SLC4A10: variants seen among roughly 807,000 people sequenced by gnomAD.
The protein encoded by SLC4A10 is solute carrier family 4 member 10.
Under a neutral mutation model 137.7 loss-of-function variants are expected in SLC4A10, and 42 were observed. That is an observed-to-expected ratio of 0.30 (90% CI 0.24 to 0.39). SLC4A10 has a LOEUF of 0.39. SLC4A10 is among the 10% of genes least tolerant of loss of function. The pLI, the probability that SLC4A10 is intolerant of heterozygous loss-of-function variation, is 1.00. For missense variants in SLC4A10, 925 were observed against 1,355.0 expected (o/e 0.68, Z 4.98); for synonymous variants, 474 against 464.1 (o/e 1.02, Z -0.27).
At position 161,950,651 on chromosome 2, in the gene SLC4A10, C is replaced by T. The variant is rs983262951; in HGVS notation, c.2380-36C>T. 1.9e-6 allele frequency: 3 copies of T among 1,552,290 alleles called. No individual in the cohort carries two copies. In the African/African-American group the frequency reaches 4.1e-5, roughly 21 times the overall value. ...TAATTTGATCAAGTATTCATTAATC[C>T]AGTTCATAACTATGCACATTCTTTA... On this transcript the variant is annotated intron_variant, in intron 18 of 26. Coordinates refer to ENST00000446997, the MANE Select transcript of SLC4A10 (RefSeq NM_001178015.2).
At chr2:161,781,167 G>A (rs1481909996) in intron 2 of SLC4A10, among the ~76,000 whole-genome samples, 2 of 152,010 alleles carry the variant, frequency 1.3e-5, no homozygotes, top group Non-Finnish European at 2.9e-5. Context: ...AGAGGACAGA[G>A]CAGCAGCTGC....
intron 1 of SLC4A10, among the ~76,000 whole-genome samples, chr2:161,737,420 T>TA (rs2047455481): frequency 6.6e-6 from 1 of 150,926 alleles, no homozygotes; most frequent in Non-Finnish European, 1.5e-5. Context: ...TTATACAGAA[T>TA]AGCTTTTTTT....
chr2:161,796,373 C>T (rs980478238), intron 2 of SLC4A10, among the ~76,000 whole-genome samples: 36 of 152,126 alleles, frequency 2.4e-4, no homozygotes, highest in Admixed American at 1.2e-3. Flanking sequence ...CAACTGAGGC[C>T]GGCTGGTTTG....
At chr2:161,749,520 T>A (rs1359119679) in intron 1 of SLC4A10, among the ~76,000 whole-genome samples, 1 of 151,984 alleles carries the variant, frequency 6.6e-6, no homozygotes, top group Non-Finnish European at 1.5e-5. Context: ...GATCATGTGT[T>A]TTTTTATTTT....
At chr2:161,751,645 C>G (rs913857181) in intron 1 of SLC4A10, among the ~76,000 whole-genome samples, 2 of 151,650 alleles carry the variant, frequency 1.3e-5, no homozygotes, top group Non-Finnish European at 3.0e-5. Flanking sequence ...CCTCCTATTC[C>G]GCCATCTTGC....
At chr2:161,672,495 C>A (rs1196247517) in intron 1 of SLC4A10, among the ~76,000 whole-genome samples, 2 of 150,860 alleles carry the variant, frequency 1.3e-5, no homozygotes, top group Admixed American at 6.6e-5. Context: ...TGTAACAAGA[C>A]CCTGTCTAAA....
At chr2:161,854,770 T>G (rs2125855068) in intron 4 of SLC4A10, among the ~76,000 whole-genome samples, 200 bp from the exon 5 acceptor site, 1 of 152,282 alleles carries the variant, frequency 6.6e-6, no homozygotes, top group East Asian at 1.9e-4. Flanking sequence ...CAATTATTTT[T>G]TAATTGCAAA....
chr2:161,742,104 T>C (rs180924629), intron 1 of SLC4A10, among the ~76,000 whole-genome samples: 5 of 152,318 alleles, frequency 3.3e-5, no homozygotes, highest in African/African-American at 1.2e-4. Flanking sequence ...TTGGCTTATT[T>C]CACTTAACAA....
intron 18 of SLC4A10, among the ~76,000 whole-genome samples, chr2:161,949,970 G>C (rs1191194900): frequency 6.6e-6 from 1 of 151,548 alleles, no homozygotes; most frequent in Non-Finnish European, 1.5e-5. Context: ...TTCAAATTAG[G>C]GGCACCCCTT....
intron 1 of SLC4A10, among the ~76,000 whole-genome samples, chr2:161,715,805 C>T (rs1474244443): frequency 6.6e-6 from 1 of 152,004 alleles, no homozygotes; most frequent in African/African-American, 2.4e-5. Flanking sequence ...TGAATATACG[C>T]ACGCATGTAT....
intron 1 of SLC4A10, among the ~76,000 whole-genome samples, chr2:161,636,147 G>T (rs914233595): frequency 6.6e-6 from 1 of 151,950 alleles, no homozygotes; most frequent in Non-Finnish European, 1.5e-5. Flanking sequence ...GTTTATTTTG[G>T]TGCAAATTTT....
At chr2:161,709,294 A>G (rs565690428) in intron 1 of SLC4A10, among the ~76,000 whole-genome samples, 1 of 151,750 alleles carries the variant, frequency 6.6e-6, no homozygotes, top group East Asian at 1.9e-4. Context: ...AACCATAGAA[A>G]CTGATGCTGC....
At chr2:161,810,341 T>C (rs1189847079) in intron 3 of SLC4A10, among the ~76,000 whole-genome samples, 5 of 152,082 alleles carry the variant, frequency 3.3e-5, no homozygotes, top group Admixed American at 6.6e-5. Context: ...TCTCTTCCTA[T>C]TTGAATGCCT....
chr2:161,624,931 C>G (rs1245752799), intron 1 of SLC4A10, among the ~76,000 whole-genome samples: 1 of 151,944 alleles, frequency 6.6e-6, no homozygotes, highest in African/African-American at 2.4e-5. Context: ...CAGAGAAGCC[C>G]CCTTTTATCA....
At position 161,766,664 on chromosome 2, in the gene SLC4A10, A is replaced by G. The variant is rs185922643; in HGVS notation, c.49-4309A>G. On this transcript the variant is annotated intron_variant, in intron 1 of 26. Coordinates refer to ENST00000446997, the MANE Select transcript of SLC4A10 (RefSeq NM_001178015.2). The stretch of plus-strand genomic sequence containing the variant: ...ATAAATTTGCTTTGTAAATATATCA[A>G]TAACAGAGTCTTAATAGGCTTCAAC... Among the ~76,000 whole-genome samples, 14 of 152,192 alleles carry G rather than the reference A, an allele frequency of 9.2e-5. No individual in the cohort carries two copies. The East Asian group carries it at 2.7e-3, about 29-fold the overall frequency.
chr2:161,763,704 C>T (rs984620278), intron 1 of SLC4A10, among the ~76,000 whole-genome samples: 1 of 152,128 alleles, frequency 6.6e-6, no homozygotes, highest in Non-Finnish European at 1.5e-5. Context: ...GGGTCCAACC[C>T]TCTGGCATGG....
intron 25 of SLC4A10, chr2:161,977,241 A>G (rs1232939221): frequency 2.9e-6 from 1 of 345,580 alleles, no homozygotes; most frequent in African/African-American, 2.1e-5. Flanking sequence ...ACTGATATGC[A>G]CTGTGTGTAT....
chr2:161,897,677 G>T (rs1314602304), intron 11 of SLC4A10, among the ~76,000 whole-genome samples: 1 of 151,940 alleles, frequency 6.6e-6, no homozygotes, highest in African/African-American at 2.4e-5. Flanking sequence ...TATTTCAGTT[G>T]ATCTACTATT....
At chr2:161,700,289 C>A (rs2042987527) in intron 1 of SLC4A10, among the ~76,000 whole-genome samples, 1 of 152,038 alleles carries the variant, frequency 6.6e-6, no homozygotes, top group Non-Finnish European at 1.5e-5. Flanking sequence ...GAAAATAAGA[C>A]TAAAGAGAGG....
Sources: gnomAD v4.1 joint callset for allele counts (sites outside exome capture counted in the v4.1 genomes callset) on GRCh38, gnomAD v4.1.1 for gene constraint, MANE v1.5 for transcripts, NCBI Gene and HGNC (gene_info 2026-07-23, HGNC 2026-07-21) for gene names.